The following PPFIA1 variants were observed in gnomAD, a reference collection of about 807,000 sequenced individuals.
PPFIA1 encodes liprin-alpha-1.
In PPFIA1, 25 loss-of-function variants were observed where a neutral mutation model predicts 149.9. The observed-to-expected ratio is 0.17, with a 90% confidence interval of 0.12 to 0.23. PPFIA1 has a LOEUF of 0.23. Among genes scored for constraint, PPFIA1 ranks in the 10% least tolerant of loss-of-function variants. The probability of loss-of-function intolerance (pLI) is 1.00; values close to 1 mark genes in which losing one functional copy is unlikely to be tolerated. For synonymous variants in PPFIA1, 549 were observed against 552.8 expected (o/e 0.99, Z 0.10); for missense variants, 1,362 against 1,506.5 (o/e 0.90, Z 1.59).
At chr11:70,365,568 T>C in intron 21 of PPFIA1, 1 of 378,996 alleles carries the variant, frequency 2.6e-6, no homozygotes, top group South Asian at 2.0e-5. Context: ...TTCCTTTAGT[T>C]ATTAGTTGAA....
Position 70,339,972 on chromosome 11 carries a change from A to G in PPFIA1, c.1707+666A>G, listed in dbSNP as rs151193534. 1.4e-4 allele frequency among the ~76,000 whole-genome samples: 22 copies of G among 152,122 alleles called. No individual in the cohort carries two copies. In the East Asian group the frequency reaches 3.9e-3, roughly 27 times the overall value. On this transcript the variant is annotated intron_variant, in intron 14 of 27. Coordinates refer to ENST00000253925, the MANE Select transcript of PPFIA1 (RefSeq NM_003626.5). ...CGTTGCAGCGAGCTGAGAAAGCACC[A>G]TTGCACTCCAGCCTGGGCTACAAGA...
At chr11:70,295,798 T>A (rs1202023799) in intron 2 of PPFIA1, among the ~76,000 whole-genome samples, 2 of 145,252 alleles carry the variant, frequency 1.4e-5, no homozygotes, top group Non-Finnish European at 1.5e-5. Flanking sequence ...CCCACCTCCC[T>A]CCTGGACGGG....
Position 70,326,748 on chromosome 11 carries a change from T to C in PPFIA1, c.860T>C (p.Leu287Pro), listed in dbSNP as rs1375073873. 3 of 1,614,102 alleles carry C rather than the reference T, an allele frequency of 1.9e-6. No homozygotes were observed. Among genetic ancestry groups the C allele is most frequent in the Non-Finnish European group, 2.5e-6 (3 of 1,180,048 alleles). Residue 287 changes from leucine to proline, a missense_variant, in exon 7 of 28, where the codon CTG becomes CCG. Physicochemically the swap from Leu to Pro is moderately conservative, Grantham distance 98. Transcript: ENST00000253925. ...CATGTGACAGAACTGGAAGAGGATC[T>C]GGACACGGCTAGAAAAGATCTCATC... is the stretch of plus-strand genomic sequence containing the variant. ...SSHVTELEED[L>P]DTARKDLIKS...
At chr11:70,361,949 TG>T in intron 19 of PPFIA1, 145 bp from the exon 20 acceptor site, 1 of 673,162 alleles carries the variant, frequency 1.5e-6, no homozygotes, top group African/African-American at 1.8e-5. Context: ...TTTGTAGAGT[TG>T]GGGTCTCGCT....
At chr11:70,287,413 C>T (rs1435656818) in intron 2 of PPFIA1, among the ~76,000 whole-genome samples, 1 of 152,102 alleles carries the variant, frequency 6.6e-6, no homozygotes, top group East Asian at 1.9e-4. Context: ...TTTGGTGCAG[C>T]TCTTTCAGCG....
chr11:70,300,450 G>C (rs1394383018), intron 2 of PPFIA1, among the ~76,000 whole-genome samples: 2 of 151,946 alleles, frequency 1.3e-5, no homozygotes, highest in Non-Finnish European at 2.9e-5. Flanking sequence ...GCTCACTGCA[G>C]CCTCCGTCTC....
intron 14 of PPFIA1, among the ~76,000 whole-genome samples, chr11:70,340,705 A>C (rs1161848229): frequency 6.6e-6 from 1 of 151,988 alleles, no homozygotes; most frequent in African/African-American, 2.4e-5. Context: ...CGACAGATAG[A>C]GTCTGGTAGT....
At chr11:70,285,275 C>T (rs1046111738) in intron 2 of PPFIA1, among the ~76,000 whole-genome samples, 21 of 151,934 alleles carry the variant, frequency 1.4e-4, no homozygotes, top group Non-Finnish European at 2.4e-4. Context: ...TTTAAAAGAT[C>T]ATGCTATGTG....
In PPFIA1 at chr11:70,316,277, G is replaced by T. The variant is rs551840172; in HGVS notation, c.265-8125G>T. ...AGTAGAGACGAGGTTTTGCCATTTT[G>T]GACAGGCTGGTCTTGAACTCCTTGC... On this transcript the variant is annotated intron_variant, in intron 2 of 27. Transcript: ENST00000253925. 4.2e-4 allele frequency among the ~76,000 whole-genome samples: 64 copies of T among 152,198 alleles called. 2 individuals are homozygous for T. The highest frequency in any genetic ancestry group is 2.3e-3 in the Admixed American group (35 of 15,294).
At chr11:70,357,065 A>G (rs1284842607) in intron 19 of PPFIA1, among the ~76,000 whole-genome samples, 1 of 152,226 alleles carries the variant, frequency 6.6e-6, no homozygotes, top group African/African-American at 2.4e-5. Context: ...AGATAGGCTG[A>G]GACAGTGCCC....
chr11:70,376,120 C>G (rs187036984), intron 24 of PPFIA1, among the ~76,000 whole-genome samples: 84 of 152,232 alleles, frequency 5.5e-4, no homozygotes, highest in African/African-American at 2.0e-3. Flanking sequence ...TCCCAAGTAG[C>G]TGAGATTACC....
At chr11:70,315,392 G>A (rs957431906) in intron 2 of PPFIA1, among the ~76,000 whole-genome samples, 10 of 152,070 alleles carry the variant, frequency 6.6e-5, no homozygotes, top group Non-Finnish European at 2.9e-5. Flanking sequence ...ATCTATCTAT[G>A]GACTGACGGG....
rs1358030903 is a variant in PPFIA1 at position 70,378,243 on chromosome 11, G to A, written c.3550+48G>A. On this transcript the variant is annotated intron_variant, in intron 26 of 27. Transcript: ENST00000253925. ...CTGTCACTTGTTGGGAGCATGAGCAGCTTTCTGTCTGGAACATTAATAATG... is the reference window on the plus strand; with the variant it reads ...CTGTCACTTGTTGGGAGCATGAGCAACTTTCTGTCTGGAACATTAATAATG... The A allele has an allele frequency of 4.4e-6, 7 of 1,582,908 alleles. No individual in the cohort carries two copies. In the Admixed American group the frequency reaches 5.3e-5, roughly 12 times the overall value.
intron 23 of PPFIA1, 78 bp from the exon 24 acceptor site, chr11:70,374,840 T>C: frequency 7.5e-7 from 1 of 1,327,424 alleles, no homozygotes; most frequent in Non-Finnish European, 1.1e-6. Flanking sequence ...GTAGGAATCT[T>C]TCTCCTGCAT....
At chr11:70,296,301 C>T (rs985382182) in intron 2 of PPFIA1, among the ~76,000 whole-genome samples, 9 of 152,096 alleles carry the variant, frequency 5.9e-5, no homozygotes, top group African/African-American at 2.2e-4. Flanking sequence ...AGAGGCTGCA[C>T]TCTGGGCACT....
At chr11:70,378,769 TA>T (rs2057588823) in intron 26 of PPFIA1, among the ~76,000 whole-genome samples, 1 of 152,208 alleles carries the variant, frequency 6.6e-6, no homozygotes, top group South Asian at 2.1e-4. Flanking sequence ...AGCTATTGAC[TA>T]TACCAGCCAG....
intron 2 of PPFIA1, among the ~76,000 whole-genome samples, chr11:70,283,147 C>T (rs113059168): frequency 6.9e-4 from 104 of 151,464 alleles, no homozygotes; most frequent in Non-Finnish European, 1.0e-3. Context: ...ACCGACTGAC[C>T]GAGTGCTTTT....
chr11:70,325,765 T>A (rs1483138836), intron 5 of PPFIA1, among the ~76,000 whole-genome samples, 191 bp downstream of exon 5: 1 of 151,982 alleles, frequency 6.6e-6, no homozygotes, highest in African/African-American at 2.4e-5. Context: ...AAACCCCATT[T>A]CTACTAAAAA....
chr11:70,279,241 T>G (rs1591027196), intron 2 of PPFIA1: 1 of 327,188 alleles, frequency 3.1e-6, no homozygotes, highest in Admixed American at 4.1e-5. Flanking sequence ...CTCTTGTGAG[T>G]GGGAAGCTGC....
Sources: allele counts gnomAD v4.1 joint callset (sites outside exome capture counted in the v4.1 genomes callset), GRCh38; gene constraint gnomAD v4.1.1; transcripts MANE v1.5; gene names NCBI Gene and HGNC (gene_info 2026-07-23, HGNC 2026-07-21).